ERC2: variants seen among roughly 807,000 people sequenced by gnomAD.
ERC2 encodes ELKS/RAB6-interacting/CAST family member 2.
A neutral mutation model predicts 114.8 loss-of-function variants in ERC2; 42 were observed. The ratio of observed to expected loss-of-function variants is 0.37; its 90% CI spans 0.29 to 0.47. The LOEUF (loss-of-function observed/expected upper bound fraction) is 0.47, where lower values mean the gene tolerates loss of function less well. ERC2 is among the 20% of genes least tolerant of loss of function. The probability of loss-of-function intolerance (pLI) is 0.99; values close to 1 mark genes in which losing one functional copy is unlikely to be tolerated. For synonymous variants in ERC2, 454 were observed against 425.5 expected (o/e 1.07, Z -0.82); for missense variants, 939 against 1,150.7 (o/e 0.82, Z 2.66).
In ERC2 at chr3:55,550,924, A is replaced by G. The variant is rs528961304; in HGVS notation, c.*40-39648T>C. Among the ~76,000 whole-genome samples, 179 of 150,946 alleles carry G rather than the reference A, an allele frequency of 1.2e-3. 1 individual carries two copies. The South Asian group carries it at 0.012, about 10-fold the overall frequency. ...CCAGCTACTCGGGAGGCTGAGGCAG[A>G]AGAATGGCGTGAACCTGGGAGGCAG... On this transcript the variant is annotated intron_variant, in intron 17 of 17. Coordinates refer to ENST00000288221, the MANE Select transcript of ERC2 (RefSeq NM_015576.3).
At chr3:56,235,743 G>A (rs1415842398) in intron 3 of ERC2, among the ~76,000 whole-genome samples, 2 of 152,156 alleles carry the variant, frequency 1.3e-5, no homozygotes, top group Non-Finnish European at 2.9e-5. Context: ...ATAATTAAAT[G>A]TGAAATATAA....
intron 12 of ERC2, among the ~76,000 whole-genome samples, chr3:55,974,267 C>G (rs1310835596): frequency 1.3e-5 from 2 of 152,202 alleles, no homozygotes; most frequent in Non-Finnish European, 2.9e-5. Context: ...TGATTACTAG[C>G]CGGACAGGGG....
intron 14 of ERC2, among the ~76,000 whole-genome samples, chr3:55,739,321 T>A (rs1181590364): frequency 6.6e-6 from 1 of 152,228 alleles, no homozygotes; most frequent in Non-Finnish European, 1.5e-5. Flanking sequence ...TCTAGATCCT[T>A]GAGGAATCGC....
intron 6 of ERC2, among the ~76,000 whole-genome samples, chr3:56,125,778 T>C (rs1411726185): frequency 6.6e-6 from 1 of 152,214 alleles, no homozygotes; most frequent in Non-Finnish European, 1.5e-5. Context: ...ATCATCTTTA[T>C]GGTTGCCATC....
At chr3:55,777,070 A>C (rs773611320) in intron 14 of ERC2, among the ~76,000 whole-genome samples, 8 of 143,520 alleles carry the variant, frequency 5.6e-5, no homozygotes, top group Non-Finnish European at 1.2e-4. Flanking sequence ...GGCAGTTAAA[A>C]ATACATAAAA....
intron 2 of ERC2, among the ~76,000 whole-genome samples, chr3:56,303,372 TG>T (rs754620432): frequency 1.3e-5 from 2 of 152,240 alleles, no homozygotes; most frequent in Non-Finnish European, 2.9e-5. Flanking sequence ...ATGACTCATC[TG>T]TGCATTAAAA....
At chr3:55,761,253 T>G (rs1412096339) in intron 14 of ERC2, among the ~76,000 whole-genome samples, 1 of 152,192 alleles carries the variant, frequency 6.6e-6, no homozygotes, top group Non-Finnish European at 1.5e-5. Flanking sequence ...CATTTTAAGC[T>G]TTACATGTAC....
At chr3:56,462,403 G>A (rs895114594) in intron 1 of ERC2, among the ~76,000 whole-genome samples, 1 of 151,984 alleles carries the variant, frequency 6.6e-6, no homozygotes, top group Non-Finnish European at 1.5e-5. Context: ...ACCTTCACTC[G>A]TACTAAAGCA....
intron 17 of ERC2, among the ~76,000 whole-genome samples, chr3:55,590,631 C>T (rs2057827522): frequency 6.6e-6 from 1 of 152,152 alleles, no homozygotes; most frequent in African/African-American, 2.4e-5. Context: ...TGCAATGATC[C>T]AACAATGAAA....
At chr3:56,401,206 G>A (rs1185067649) in intron 2 of ERC2, among the ~76,000 whole-genome samples, 1 of 152,176 alleles carries the variant, frequency 6.6e-6, no homozygotes, top group African/African-American at 2.4e-5. Context: ...AATAAACATT[G>A]TTTGGTCTAG....
chr3:56,455,405 A>G (rs1180154262), intron 1 of ERC2, among the ~76,000 whole-genome samples: 2 of 151,996 alleles, frequency 1.3e-5, no homozygotes, highest in African/African-American at 4.8e-5. Flanking sequence ...CCATTGCACA[A>G]CTCGCTTAAC....
intron 12 of ERC2, among the ~76,000 whole-genome samples, chr3:55,964,754 C>A (rs1433197820): frequency 2.0e-5 from 3 of 152,198 alleles, no homozygotes; most frequent in African/African-American, 7.2e-5. Flanking sequence ...GACTGCAATT[C>A]TCATCTGCAG....
intron 14 of ERC2, among the ~76,000 whole-genome samples, chr3:55,750,161 G>T (rs1019286884): frequency 2.1e-5 from 3 of 144,452 alleles, no homozygotes; most frequent in Non-Finnish European, 4.5e-5. Flanking sequence ...TAAAGAAAAA[G>T]ACTTAAATTA....
At chr3:56,271,938 T>A (rs1046304647) in intron 3 of ERC2, among the ~76,000 whole-genome samples, 1 of 152,250 alleles carries the variant, frequency 6.6e-6, no homozygotes, top group African/African-American at 2.4e-5. Context: ...TTCTTTTTTA[T>A]GGCTGTGTAG....
intron 17 of ERC2, among the ~76,000 whole-genome samples, chr3:55,583,528 CCTTCCTTCCTTCCTTTCTTCCTTCCTT>C (rs1559693359): frequency 1.6e-4 from 9 of 56,246 alleles, no homozygotes; most frequent in African/African-American, 6.0e-4. Flanking sequence ...TCCCTCCCTT[CCTTCCTTCCTTCCTTTCTTCCTTCCTT>C]CCTTCCTTCC....
chr3:56,132,894 A>G (rs1464255772), intron 6 of ERC2, among the ~76,000 whole-genome samples: 1 of 152,118 alleles, frequency 6.6e-6, no homozygotes, highest in African/African-American at 2.4e-5. Flanking sequence ...ACTTTTCTTA[A>G]TATACTAGGA....
intron 13 of ERC2, among the ~76,000 whole-genome samples, chr3:55,921,958 T>TTCTAACGATTGTATAATATCAACCCAGA (rs1423777271): frequency 2.1e-4 from 32 of 152,148 alleles, no homozygotes; most frequent in Non-Finnish European, 3.5e-4. Flanking sequence ...TCTTGCTAAA[T>TTCTAACGATTGTATAATATCAACCCAGA]TCTAACGATT....
chr3:55,658,449 T>G (rs2060973642), intron 17 of ERC2: 1 of 152,250 alleles, frequency 6.6e-6, no homozygotes, highest in South Asian at 2.1e-4. Context: ...TGACCAAGTC[T>G]AGGGAAAGTG....
At chr3:56,266,147 T>TTTGAGATGGAGTCTTGCTC (rs2053286536) in intron 3 of ERC2, among the ~76,000 whole-genome samples, 3 of 148,806 alleles carry the variant, frequency 2.0e-5, no homozygotes, top group Admixed American at 6.7e-5. Flanking sequence ...TTTTTTTTTT[T>TTTGAGATGGAGTCTTGCTC]TGAGACGGAG....
Sources: allele counts gnomAD v4.1 joint callset (sites outside exome capture counted in the v4.1 genomes callset), GRCh38; gene constraint gnomAD v4.1.1; transcripts MANE v1.5; gene names NCBI Gene and HGNC (gene_info 2026-07-23, HGNC 2026-07-21).